The following ITGA2B variants were observed in gnomAD, a reference collection of about 807,000 sequenced individuals.
ITGA2B encodes integrin alpha-IIb.
A neutral mutation model predicts 142.0 loss-of-function variants in ITGA2B; 91 were observed. The observed-to-expected ratio is 0.64, with a 90% CI of 0.54 to 0.76. The LOEUF is 0.76. ITGA2B is among the 30% of genes least tolerant of loss of function. The pLI, the probability that ITGA2B is intolerant of heterozygous loss-of-function variation, is 0.00. For synonymous variants in ITGA2B, 536 were observed against 567.2 expected (o/e 0.94, Z 0.78); for missense variants, 1,231 against 1,350.8 (o/e 0.91, Z 1.39).
In ITGA2B at chr17:44,388,813, G is replaced by C. The variant is rs1176210235; in HGVS notation, c.188+473C>G. On this transcript the variant is annotated intron_variant, in intron 1 of 29. Coordinates refer to ENST00000262407, the MANE Select transcript of ITGA2B (RefSeq NM_000419.5). ...ATTGCAGGTGTGAGCCACTGTGCCT[G>C]GTCTCTTTTTTTTTTTTTTTTTTGT... is the stretch of plus-strand genomic sequence containing the variant. Among the ~76,000 whole-genome samples the C allele has an allele frequency of 4.1e-4, 47 of 114,196 alleles. 1 individual carries two copies. Among genetic ancestry groups the C allele is most frequent in the African/African-American group, 1.5e-3 (45 of 30,588 alleles). 74.9% of individuals were successfully genotyped at this position (114,196 alleles called of 152,430 possible).
Position 44,384,300 on chromosome 17 carries a change from GGGGCACTT to G in ITGA2B, c.891+3_891+10del. The G allele has an allele frequency of 6.2e-7, 1 of 1,611,904 alleles. No homozygotes were observed. Among genetic ancestry groups the G allele is most frequent in the Non-Finnish European group, 8.5e-7 (1 of 1,179,878 alleles). ...AGGGGCTTCGGGAGGCCCAGTGGTG[GGGGCACTT>G]ACCGCTCCCAGGGTCCAGCTCCAAG... On this transcript the variant is annotated splice_donor_5th_base_variant and intron_variant, in intron 9 of 29. Coordinates refer to ENST00000262407, the MANE Select transcript of ITGA2B (RefSeq NM_000419.5).
rs1598375569 is a variant in ITGA2B, at chr17:44,374,419, A to G, written c.2995T>C (p.Trp999Arg). ...CCACCCAGCACACCCACCAGCACCCACCAGATTGGAATGGCCCTCTCCTCC... is the reference window on the plus strand; with the variant it reads ...CCACCCAGCACACCCACCAGCACCCGCCAGATTGGAATGGCCCTCTCCTCC... The part of the protein sequence containing the change: ...ALEERAIPIW[W>R]VLVGVLGGLL... Residue 999 changes from tryptophan to arginine, a missense_variant, in exon 29 of 30, where the codon TGG (tryptophan) becomes CGG (arginine). This residue lies in a region of ITGA2B where 908 missense variants were observed against 1,021.1 expected (regional missense o/e 0.89). Transcript: ENST00000262407. 2 of 1,613,946 alleles carry G rather than the reference A, an allele frequency of 1.2e-6. No individual in the cohort carries two copies.
chr17:44,374,018 G>T, intron 29 of ITGA2B: 7 of 346,654 alleles, frequency 2.0e-5, no homozygotes, highest in South Asian at 1.7e-4. Context: ...CAATTCTACT[G>T]CCTCAGCCTC....
rs1381495500 is a variant in ITGA2B at position 44,376,291 on chromosome 17, C to A, written c.2348+17G>T. 1.2e-6 allele frequency: 2 copies of A among 1,614,024 alleles called. No individual in the cohort carries two copies. The highest frequency in any genetic ancestry group is 8.5e-7 in the Non-Finnish European group (1 of 1,180,012). Reference sequence around the variant, plus strand: ...AGCCCTGAATGCCATCTCCCTTCTCCACCCCTGGCCTCTCACCCTCGCAGC... The same window carrying A: ...AGCCCTGAATGCCATCTCCCTTCTCAACCCCTGGCCTCTCACCCTCGCAGC... On this transcript the variant is annotated intron_variant, in intron 23 of 29. Coordinates refer to ENST00000262407, the MANE Select transcript of ITGA2B (RefSeq NM_000419.5).
Position 44,385,600 on chromosome 17 carries a change from G to C in ITGA2B, c.525C>G (p.Ser175=), listed in dbSNP as rs1335537077. The change falls in exon 4 of 30, where the codon TCC becomes TCG. Residue 175 remains serine (S), a synonymous_variant. Coordinates refer to ENST00000262407, the MANE Select transcript of ITGA2B (RefSeq NM_000419.5). ...QPESGRRAEY[S]PCRGNTLSRI... ...GGCTCAGGGTGTTCCCGCGACAGGG[G>C]GAGTACTCGGCGCGGCGGCCGCTCT... 1 of 1,611,244 alleles carries C rather than the reference G, an allele frequency of 6.2e-7. No individual in the cohort carries two copies. Among genetic ancestry groups the C allele is most frequent in the Non-Finnish European group, 8.5e-7 (1 of 1,179,508 alleles).
At chr17:44,384,912 C>T (rs2048630317) in intron 7 of ITGA2B, 36 bp downstream of exon 7, 1 of 1,613,168 alleles carries the variant, frequency 6.2e-7, no homozygotes, top group Non-Finnish European at 8.5e-7. Context: ...GGGCGGTGAC[C>T]CTCGGGGTGC....
chr17:44,384,707 G>T, intron 7 of ITGA2B, 122 bp from the exon 8 acceptor site: 1 of 1,310,294 alleles, frequency 7.6e-7, no homozygotes, highest in Non-Finnish European at 1.1e-6. Flanking sequence ...TGGAAAAACG[G>T]AGGCCTTCGA....
In ITGA2B at chr17:44,383,910, C is replaced by T; in HGVS notation, c.982G>A (p.Asp328Asn). 6.2e-7 allele frequency: 1 copy of T among 1,613,970 alleles called. No individual in the cohort carries two copies. The stretch of plus-strand genomic sequence containing the variant: ...CCTCCTCACCCATCCCCGTTGACGT[C>T]AGTGACAGCCACTGAATGCCCAAAA... ...SYFGHSVAVT[D>N]VNGDGRHDLL... Residue 328 changes from aspartate (D) to asparagine (N), a missense_variant, in exon 11 of 30, where the codon GAC becomes AAC. Physicochemically the swap from Asp to Asn is conservative, Grantham distance 23. This residue lies in a region of ITGA2B where 908 missense variants were observed against 1,021.1 expected (regional missense o/e 0.89). Coordinates refer to ENST00000262407, the MANE Select transcript of ITGA2B (RefSeq NM_000419.5).
At position 44,372,396 on chromosome 17, in the gene ITGA2B, G is replaced by C; in HGVS notation, c.3088C>G (p.Pro1030Ala). 1 of 1,614,100 alleles carries C rather than the reference G, an allele frequency of 6.2e-7. No homozygotes were observed. Among genetic ancestry groups the C allele is most frequent in the Non-Finnish European group, 8.5e-7 (1 of 1,180,012 alleles). The change falls in exon 30 of 30, where the codon CCC (proline) becomes GCC (alanine). Residue 1030 changes from proline (P) to alanine (A), a missense_variant. Coordinates refer to ENST00000262407, the MANE Select transcript of ITGA2B (RefSeq NM_000419.5). ...KVGFFKRNRP[P>A]LEEDDEEGE ...CCCTCTTCATCATCTTCTTCCAGGGGTGGCCGGTTCCGCTTGAAGAAGCCG... is the reference window on the plus strand; with the variant it reads ...CCCTCTTCATCATCTTCTTCCAGGGCTGGCCGGTTCCGCTTGAAGAAGCCG...
chr17:44,388,384 T>G (rs1193037272), intron 1 of ITGA2B, among the ~76,000 whole-genome samples: 5 of 149,130 alleles, frequency 3.4e-5, no homozygotes, highest in African/African-American at 4.9e-5. Context: ...GAGACAGAGT[T>G]TCGCTCTCGT....
At chr17:44,374,964 AGGCCCG>A in intron 27 of ITGA2B, 28 bp downstream of exon 27, 1 of 1,472,238 alleles carries the variant, frequency 6.8e-7, no homozygotes, top group Non-Finnish European at 9.2e-7. Flanking sequence ...CCCGCCCAGA[AGGCCCG>A]GCCCCGCCCC....
intron 9 of ITGA2B, 22 bp from the exon 10 acceptor site, chr17:44,384,160 G>C (rs757514837): frequency 6.2e-7 from 1 of 1,612,112 alleles, no homozygotes; most frequent in South Asian, 1.1e-5. Flanking sequence ...GCGCAGGCGA[G>C]AGCATCATTC....
chr17:44,378,378 G>A lies in ITGA2B; in HGVS notation c.2078C>T (p.Ala693Val), dbSNP rs374591451. The A allele has an allele frequency of 7.4e-6, 12 of 1,612,326 alleles. No homozygotes were observed. Among genetic ancestry groups the A allele is most frequent in the East Asian group, 4.5e-5 (2 of 44,886 alleles). Reference sequence around the variant, plus strand: ...GGGCCATACCTCGACATTGCTTAGGGCCCGCATGTAGTGGGCGCCCTGGGG... The same window carrying A: ...GGGCCATACCTCGACATTGCTTAGGACCCGCATGTAGTGGGCGCCCTGGGG... Reference protein sequence around the residue: ...HLPQGAHYMRALSNVEGFERL... With the variant: ...HLPQGAHYMRVLSNVEGFERL... Residue 693 changes from alanine to valine, a missense_variant, in exon 20 of 30, where the codon GCC becomes GTC. Physicochemically the swap from Ala to Val is moderately conservative, Grantham distance 64. Transcript: ENST00000262407.
At chr17:44,380,538 G>A (rs762882066) in intron 14 of ITGA2B, 48 bp from the exon 15 acceptor site, 1 of 1,613,734 alleles carries the variant, frequency 6.2e-7, no homozygotes, top group South Asian at 1.1e-5. Flanking sequence ...GGCTCCTCCT[G>A]GCCTGGCCTC....
At chr17:44,381,465 G>C (rs1029500183) in intron 12 of ITGA2B, among the ~76,000 whole-genome samples, 4 of 151,938 alleles carry the variant, frequency 2.6e-5, no homozygotes, top group Admixed American at 6.6e-5. Context: ...CAGTAGCTGG[G>C]ATTACAGGCG....
Position 44,385,609 on chromosome 17 carries a change from G to A in ITGA2B, c.516C>T (p.Ala172=). The A allele has an allele frequency of 6.2e-7, 1 of 1,612,042 alleles. No individual in the cohort carries two copies. Among genetic ancestry groups the A allele is most frequent in the Non-Finnish European group, 8.5e-7 (1 of 1,179,678 alleles). The part of the protein sequence containing the change: ...FLAQPESGRR[A]EYSPCRGNTL... ...TGTTCCCGCGACAGGGGGAGTACTC[G>A]GCGCGGCGGCCGCTCTCTGGCTGAG... The change falls in exon 4 of 30, where the codon GCC becomes GCT. Residue 172 remains alanine, a synonymous_variant. Coordinates refer to ENST00000262407, the MANE Select transcript of ITGA2B (RefSeq NM_000419.5).
chr17:44,376,211 G>C (rs757804234), intron 23 of ITGA2B, 27 bp from the exon 24 acceptor site: 5 of 1,613,856 alleles, frequency 3.1e-6, no homozygotes, highest in East Asian at 2.2e-5. Context: ...CCCCCAGAGA[G>C]AGTGTGATGC....
At chr17:44,376,507 A>G in intron 22 of ITGA2B, 119 bp from the exon 23 acceptor site, 2 of 872,696 alleles carry the variant, frequency 2.3e-6, no homozygotes. Context: ...AGCATGCCAC[A>G]CTGAAGTTAG....
At position 44,374,364 on chromosome 17, in the gene ITGA2B, G is replaced by A. The variant is rs1162527985; in HGVS notation, c.3050C>T (p.Ala1017Val). The A allele has an allele frequency of 1.2e-6, 2 of 1,613,884 alleles. No individual in the cohort carries two copies. The highest frequency in any genetic ancestry group is 1.3e-5 in the African/African-American group (1 of 74,986). ...TCCTTCACACCTCACCTTCCACATG[G>A]CCAGGACCAGGATGGTGAGCAGCAG... ...GLLLLTILVL[A>V]MWKVGFFKRN... Residue 1017 changes from alanine (A) to valine (V), a missense_variant, in exon 29 of 30, where the codon GCC becomes GTC. Physicochemically the swap from Ala to Val is moderately conservative, Grantham distance 64. Coordinates refer to ENST00000262407, the MANE Select transcript of ITGA2B (RefSeq NM_000419.5).
Sources: gnomAD v4.1 joint callset for allele counts (sites outside exome capture counted in the v4.1 genomes callset) on GRCh38, gnomAD v4.1.1 for gene constraint, gnomAD v4.1.1 regional missense constraint, MANE v1.5 for transcripts, NCBI Gene and HGNC (gene_info 2026-07-23, HGNC 2026-07-21) for gene names.